PLEKHH2: variants seen among roughly 807,000 people sequenced by gnomAD.
The protein encoded by PLEKHH2 is pleckstrin homology, MyTH4 and FERM domain containing H2, also known as pleckstrin homology domain-containing family H member 2.
PLEKHH2 carries 129 observed loss-of-function variants against 187.9 expected under a neutral mutation model. The ratio of observed to expected loss-of-function variants is 0.69; its 90% confidence interval spans 0.59 to 0.79. PLEKHH2 has a LOEUF of 0.79. Ranked by LOEUF, PLEKHH2 falls within the 30% of genes least tolerant of loss-of-function variation. The pLI, the probability that PLEKHH2 is intolerant of heterozygous loss-of-function variation, is 0.00. For synonymous variants in PLEKHH2, 686 were observed against 605.6 expected, an observed-to-expected ratio of 1.13 and a Z score of -1.95; for missense variants, 2,076 against 1,751.2, an observed-to-expected ratio of 1.19 and a Z score of -3.31.
intron 16 of PLEKHH2, among the ~76,000 whole-genome samples, chr2:43,722,088 C>T (rs1277001834): frequency 6.9e-6 from 1 of 145,260 alleles, no homozygotes; most frequent in East Asian, 2.0e-4. Context: ...CTAGTCTCTA[C>T]TAAAAAAAAA....
chr2:43,738,749 G>C (rs1572644334), intron 20 of PLEKHH2, among the ~76,000 whole-genome samples: 1 of 152,140 alleles, frequency 6.6e-6, no homozygotes, highest in East Asian at 1.9e-4. Flanking sequence ...TGGAGTTACA[G>C]TGTGCATACT....
rs576001502 is a variant in PLEKHH2, at chr2:43,718,777, C to T, written c.2461-1892C>T. Among the ~76,000 whole-genome samples the T allele has an allele frequency of 3.9e-5, 6 of 152,156 alleles. No individual in the cohort carries two copies. In the East Asian group the frequency reaches 1.2e-3, roughly 29 times the overall value. Reference sequence around the variant, plus strand: ...TGAAGAAGAAAAGAAAAAAACACCCCACACAGCGCTATTTAAAGCTTCCAG... The same window carrying T: ...TGAAGAAGAAAAGAAAAAAACACCCTACACAGCGCTATTTAAAGCTTCCAG... On this transcript the variant is annotated intron_variant, in intron 15 of 29. Coordinates refer to ENST00000282406, the MANE Select transcript of PLEKHH2 (RefSeq NM_172069.4).
intron 24 of PLEKHH2, among the ~76,000 whole-genome samples, chr2:43,748,637 T>C (rs966021616): frequency 6.6e-6 from 1 of 152,240 alleles, no homozygotes; most frequent in African/African-American, 2.4e-5. Context: ...TGCTGGGTTT[T>C]GAGAAGCACT....
At chr2:43,637,642 C>T (rs980239200) in intron 1 of PLEKHH2, among the ~76,000 whole-genome samples, 1 of 152,130 alleles carries the variant, frequency 6.6e-6, no homozygotes, top group East Asian at 1.9e-4. Context: ...GTCCCTCGCG[C>T]CCGTGGGCTC....
At chr2:43,754,206 A>ACACACACAC (rs386354945) in intron 25 of PLEKHH2, among the ~76,000 whole-genome samples, 51 of 101,908 alleles carry the variant, frequency 5.0e-4, no homozygotes, top group African/African-American at 2.2e-3. Context: ...ACACACACAC[A>ACACACACAC]AAATTAATAC....
chr2:43,692,390 T>A (rs1668843305), intron 3 of PLEKHH2, 124 bp from the exon 4 acceptor site: 4 of 698,232 alleles, frequency 5.7e-6, no homozygotes, highest in Non-Finnish European at 9.3e-6. Context: ...TAAACCTTGC[T>A]GTTTAATATT....
chr2:43,754,336 G>C (rs1389048016), intron 25 of PLEKHH2, among the ~76,000 whole-genome samples: 1 of 150,530 alleles, frequency 6.6e-6, no homozygotes, highest in Non-Finnish European at 1.5e-5. Flanking sequence ...CATCCCTAGG[G>C]TGTCATCACC....
intron 1 of PLEKHH2, among the ~76,000 whole-genome samples, chr2:43,644,373 T>C (rs1047723539): frequency 1.3e-5 from 2 of 152,146 alleles, no homozygotes; most frequent in South Asian, 2.1e-4. Flanking sequence ...CAAGGAATAA[T>C]GGTTTGTTGT....
intron 3 of PLEKHH2, among the ~76,000 whole-genome samples, chr2:43,688,269 T>G (rs1236752327): frequency 6.6e-6 from 1 of 152,258 alleles, no homozygotes; most frequent in Non-Finnish European, 1.5e-5. Flanking sequence ...AAGTTGTTAT[T>G]GTATGAATCT....
chr2:43,761,339 G>A (rs1401983461), intron 27 of PLEKHH2, among the ~76,000 whole-genome samples: 2 of 151,392 alleles, frequency 1.3e-5, no homozygotes, highest in Admixed American at 6.6e-5. Context: ...GGGTTCTAGT[G>A]GTAGGAGATT....
In PLEKHH2 at chr2:43,694,479, A is replaced by G. The variant is rs1275940644; in HGVS notation, c.385A>G (p.Lys129Glu). ...TAAAATAATAGAAGAGAAAGCAGCT[A>G]AGATAAAAGAATGGGTAACAGTTAA... Reference protein sequence around the residue: ...EAKIIEEKAAKIKEWVTVKLN... With the variant: ...EAKIIEEKAAEIKEWVTVKLN... The change falls in exon 5 of 30, where the codon AAG (lysine) becomes GAG (glutamate). Residue 129 changes from lysine (K) to glutamate (E), a missense_variant. By Grantham distance (56) the Lys-to-Glu change is moderately conservative. Coordinates refer to ENST00000282406, the MANE Select transcript of PLEKHH2 (RefSeq NM_172069.4). The G allele has an allele frequency of 1.5e-5, 23 of 1,564,120 alleles. No homozygotes were observed. The highest frequency in any genetic ancestry group is 2.0e-5 in the Non-Finnish European group (23 of 1,147,632).
At position 43,762,361 on chromosome 2, in the gene PLEKHH2, G is replaced by A. The variant is rs2104629999; in HGVS notation, c.4129G>A (p.Gly1377Ser). Residue 1377 changes from glycine (G) to serine (S), a missense_variant, in exon 28 of 30, where the codon GGT becomes AGT. Transcript: ENST00000282406. ...TFLWLAVHEDGLSLLEYNSMR... is the reference protein window; with the variant it reads ...TFLWLAVHEDSLSLLEYNSMR... ...CTTGTGGCTGGCTGTACATGAGGATGGTTTAAGCCTCTTAGAATACAACTC... is the reference window on the plus strand; with the variant it reads ...CTTGTGGCTGGCTGTACATGAGGATAGTTTAAGCCTCTTAGAATACAACTC... 1 of 1,612,538 alleles carries A rather than the reference G, an allele frequency of 6.2e-7. No individual in the cohort carries two copies. Among genetic ancestry groups the A allele is most frequent in the Non-Finnish European group, 8.5e-7 (1 of 1,178,744 alleles).
Position 43,670,565 on chromosome 2 carries a change from C to G in PLEKHH2, c.124-8298C>G, listed in dbSNP as rs188641520. 2.2e-3 allele frequency among the ~76,000 whole-genome samples: 334 copies of G among 152,034 alleles called. 2 individuals carry two copies. Among genetic ancestry groups the G allele is most frequent in the South Asian group, 5.2e-3 (25 of 4,824 alleles). ...TGTCTGTTTTTATATAAATATCATT[C>G]TCTTGACTACTATTGGCAATTTTAT... On this transcript the variant is annotated intron_variant, in intron 2 of 29. Transcript: ENST00000282406.
At chr2:43,675,276 T>C (rs1213834493) in intron 2 of PLEKHH2, 6 of 679,646 alleles carry the variant, frequency 8.8e-6, no homozygotes, top group Non-Finnish European at 1.4e-5. Context: ...ATATGAATTA[T>C]TGAATGAAGT....
At chr2:43,645,806 T>C (rs952213360) in intron 2 of PLEKHH2, among the ~76,000 whole-genome samples, 2 of 152,158 alleles carry the variant, frequency 1.3e-5, no homozygotes, top group Admixed American at 6.6e-5. Flanking sequence ...GATGAATGGA[T>C]GAATGATATT....
intron 27 of PLEKHH2, among the ~76,000 whole-genome samples, chr2:43,760,297 G>T (rs1672370388): frequency 6.7e-6 from 1 of 150,310 alleles, no homozygotes; most frequent in Non-Finnish European, 1.5e-5. Flanking sequence ...CTCCTTTGTT[G>T]CTTCATGGCA....
At chr2:43,753,487 A>G (rs532406113) in intron 24 of PLEKHH2, 132 bp from the exon 25 acceptor site, 4 of 582,774 alleles carry the variant, frequency 6.9e-6, no homozygotes, top group Admixed American at 8.1e-5. Context: ...AGTCATTGAC[A>G]GTAGTAGTCT....
chr2:43,695,322 C>T, intron 6 of PLEKHH2, 98 bp downstream of exon 6: 2 of 555,256 alleles, frequency 3.6e-6, no homozygotes, highest in Non-Finnish European at 5.9e-6. Context: ...GGATGTCATC[C>T]AAGAAGCTGT....
At chr2:43,764,444 C>T in intron 29 of PLEKHH2, 79 bp downstream of exon 29, 3 of 1,416,498 alleles carry the variant, frequency 2.1e-6, no homozygotes, top group Non-Finnish European at 2.9e-6. Context: ...AAAAGCAATG[C>T]TAATTGTTTT....
Sources: allele counts gnomAD v4.1 joint callset (sites outside exome capture counted in the v4.1 genomes callset), GRCh38; gene constraint gnomAD v4.1.1; transcripts MANE v1.5; gene names NCBI Gene and HGNC (gene_info 2026-07-23, HGNC 2026-07-21).